Variants in FSD1L observed in about 807,000 individuals in gnomAD.
FSD1L encodes FSD1-like protein.
In FSD1L, 45 loss-of-function variants were observed where a neutral mutation model predicts 71.6. The observed-to-expected ratio is 0.63, with a 90% CI of 0.49 to 0.81. The LOEUF (loss-of-function observed/expected upper bound fraction) is 0.81. Ranked by LOEUF, FSD1L falls within the 30% of genes least tolerant of loss-of-function variation. The pLI is 0.00. For missense variants in FSD1L, 561 were observed against 618.1 expected (o/e 0.91, Z 0.98); for synonymous variants, 197 against 207.2 (o/e 0.95, Z 0.42).
chr9:105,458,623 C>A lies in FSD1L; in HGVS notation c.16-2897C>A, dbSNP rs144116171. ...CAGGAGGAAGTATGTGCTGATTGGTCCATGGGTGGGCGTGGAAAAAGCACC... is the reference window on the plus strand; with the variant it reads ...CAGGAGGAAGTATGTGCTGATTGGTACATGGGTGGGCGTGGAAAAAGCACC... On this transcript the variant is annotated intron_variant, in intron 1 of 13. Coordinates refer to ENST00000481272, the MANE Select transcript of FSD1L (RefSeq NM_001145313.3). 1.2e-3 allele frequency among the ~76,000 whole-genome samples: 179 copies of A among 152,132 alleles called. 2 individuals carry two copies. The highest frequency in any genetic ancestry group is 4.2e-3 in the African/African-American group (176 of 41,520).
intron 10 of FSD1L, chr9:105,520,608 G>A (rs1392827899): frequency 1.3e-6 from 2 of 1,561,634 alleles, no homozygotes; most frequent in Non-Finnish European, 1.8e-6. Context: ...ACTTCACACA[G>A]GAGACTCCTT....
chr9:105,468,583 C>A (rs935868375), intron 4 of FSD1L, among the ~76,000 whole-genome samples: 5 of 151,866 alleles, frequency 3.3e-5, no homozygotes, highest in Non-Finnish European at 7.4e-5. Flanking sequence ...CAACCTCTGC[C>A]TCCCAGGTTC....
At chr9:105,515,142 C>A (rs10991680) in intron 10 of FSD1L, among the ~76,000 whole-genome samples, 1 of 152,018 alleles carries the variant, frequency 6.6e-6, no homozygotes, top group African/African-American at 2.4e-5. Flanking sequence ...AAGTCTGGTG[C>A]GAGAAGGGCA....
chr9:105,526,383 G>T lies in FSD1L; in HGVS notation c.1026-8110G>T, dbSNP rs540985623. Reference sequence around the variant, plus strand: ...AAATATCAGTTCTGTTTATCTGAAGGCTCCTACCCAGAGATTCTACCCAGT... The same window carrying T: ...AAATATCAGTTCTGTTTATCTGAAGTCTCCTACCCAGAGATTCTACCCAGT... On this transcript the variant is annotated intron_variant, in intron 10 of 13. Coordinates refer to ENST00000481272, the MANE Select transcript of FSD1L (RefSeq NM_001145313.3). 9.3e-6 allele frequency: 15 copies of T among 1,613,106 alleles called. No individual in the cohort carries two copies. The African/African-American group carries it at 1.5e-4, about 16-fold the overall frequency.
At chr9:105,447,894 G>A (rs990914106), upstream of FSD1L, 4 of 467,122 alleles carry the variant, frequency 8.6e-6, no homozygotes, top group African/African-American at 2.1e-5. Context: ...AAGGATGGGG[G>A]AAGGGAGTGC....
At chr9:105,451,938 G>A (rs1402759758) in intron 1 of FSD1L, among the ~76,000 whole-genome samples, 1 of 152,132 alleles carries the variant, frequency 6.6e-6, no homozygotes, top group Non-Finnish European at 1.5e-5. Flanking sequence ...GGAGAGGAAG[G>A]GAGATGAGAG....
intron 10 of FSD1L, among the ~76,000 whole-genome samples, chr9:105,516,275 T>TA (rs1306763230): frequency 1.3e-5 from 2 of 152,156 alleles, no homozygotes; most frequent in African/African-American, 4.8e-5. Flanking sequence ...TTTAGCGACT[T>TA]AAACGTTCCT....
chr9:105,517,442 A>G (rs1428323762), intron 10 of FSD1L, among the ~76,000 whole-genome samples: 1 of 152,248 alleles, frequency 6.6e-6, no homozygotes, highest in African/African-American at 2.4e-5. Context: ...AGGGAAGCCC[A>G]TCAGACTAAC....
chr9:105,470,251 T>C (rs1039543459), intron 4 of FSD1L, among the ~76,000 whole-genome samples: 1 of 152,188 alleles, frequency 6.6e-6, no homozygotes, highest in Non-Finnish European at 1.5e-5. Context: ...CTTGAGATTC[T>C]ACATGAATTT....
In FSD1L at chr9:105,508,684, G is replaced by A. The variant is rs1305212531; in HGVS notation, c.864G>A (p.Glu288=). 3.9e-6 allele frequency: 6 copies of A among 1,550,564 alleles called. No homozygotes were observed. The highest frequency in any genetic ancestry group is 2.7e-5 in the African/African-American group (2 of 73,036). The change falls in exon 9 of 14, where the codon GAG becomes GAA. Residue 288 remains glutamate (E), a synonymous_variant. Transcript: ENST00000481272. ...VRACNKAVAG[E]YSDPVTLETK... ...CTTGTAACAAGGCTGTGGCTGGAGA[G>A]TATTCTGATCCAGTGACTCTAGAGA...
intron 1 of FSD1L, 53 bp downstream of exon 1, chr9:105,448,288 G>C: frequency 2.7e-6 from 4 of 1,483,806 alleles, no homozygotes; most frequent in Non-Finnish European, 3.6e-6. Flanking sequence ...GCCGGCACAG[G>C]GTGGGCGGGG....
intron 13 of FSD1L, 68 bp from the exon 14 acceptor site, chr9:105,546,290 G>A: frequency 2.1e-6 from 3 of 1,438,252 alleles, no homozygotes; most frequent in Non-Finnish European, 1.8e-6. Flanking sequence ...CCTTTGAAAT[G>A]GAAATTTAAA....
chr9:105,460,151 T>C (rs191783361), intron 1 of FSD1L, among the ~76,000 whole-genome samples: 1 of 152,322 alleles, frequency 6.6e-6, no homozygotes, highest in East Asian at 1.9e-4. Context: ...ATATAGGATA[T>C]CATTCCCCTA....
At chr9:105,542,818 A>G (rs1176918424) in intron 13 of FSD1L, among the ~76,000 whole-genome samples, 1 of 152,134 alleles carries the variant, frequency 6.6e-6, no homozygotes, top group Non-Finnish European at 1.5e-5. Flanking sequence ...ATGCTTTGCA[A>G]ATATTTTCTC....
rs1269551829 is a variant in FSD1L at position 105,461,504 on chromosome 9, T to C, written c.16-16T>C. On this transcript the variant is annotated splice_polypyrimidine_tract_variant and intron_variant, in intron 1 of 13. Coordinates refer to ENST00000481272, the MANE Select transcript of FSD1L (RefSeq NM_001145313.3). ...ATGTGGCTGCTATTGGCTCCTACTG[T>C]ATTTATATTGGACAGTACTGCTTTA... is the stretch of plus-strand genomic sequence containing the variant. 1 of 1,445,236 alleles carries C rather than the reference T, an allele frequency of 6.9e-7. No homozygotes were observed. Among genetic ancestry groups the C allele is most frequent in the Non-Finnish European group, 9.4e-7 (1 of 1,069,068 alleles). The allele number at this position is 1,445,236 out of a possible 1,614,324, so 89.5% of individuals were successfully genotyped here. A position where few individuals can be genotyped will look rare whatever the true frequency, so the allele number is the denominator to read the frequency against.
At chr9:105,522,292 T>C (rs1394138162) in intron 10 of FSD1L, 3 of 1,613,908 alleles carry the variant, frequency 1.9e-6, no homozygotes, top group Non-Finnish European at 2.5e-6. Flanking sequence ...TTATATAGTT[T>C]GGATCTCAGT....
At chr9:105,509,584 T>C (rs968319484) in intron 9 of FSD1L, among the ~76,000 whole-genome samples, 1 of 152,142 alleles carries the variant, frequency 6.6e-6, no homozygotes, top group Admixed American at 6.5e-5. Context: ...CATATAGCAT[T>C]TGAATAGGTT....
chr9:105,517,250 T>C (rs1453148002), intron 10 of FSD1L, among the ~76,000 whole-genome samples: 1 of 152,200 alleles, frequency 6.6e-6, no homozygotes, highest in Non-Finnish European at 1.5e-5. Context: ...GGAAACACTC[T>C]TCAGGGTATT....
chr9:105,460,168 T>C (rs1229491711), intron 1 of FSD1L, among the ~76,000 whole-genome samples: 1 of 152,218 alleles, frequency 6.6e-6, no homozygotes, highest in African/African-American at 2.4e-5. Flanking sequence ...CCTAAAGGCT[T>C]TAACACAGAT....
Sources: allele counts gnomAD v4.1 joint callset (sites outside exome capture counted in the v4.1 genomes callset), GRCh38; gene constraint gnomAD v4.1.1; transcripts MANE v1.5; gene names NCBI Gene and HGNC (gene_info 2026-07-23, HGNC 2026-07-21).